Variants in BCL11B observed in about 807,000 individuals in gnomAD.
The protein encoded by BCL11B is B-cell lymphoma/leukemia 11B.
In BCL11B, 8 loss-of-function variants were observed where a neutral mutation model predicts 49.9. The ratio of observed to expected loss-of-function variants is 0.16; its 90% CI spans 0.09 to 0.29. BCL11B has a LOEUF of 0.29. Among genes scored for constraint, BCL11B ranks in the 10% least tolerant of loss-of-function variants. BCL11B has a pLI of 1.00. For missense variants in BCL11B, 1,006 were observed against 1,351.0 expected (o/e 0.74, Z 4.00); for synonymous variants, 739 against 637.4 (o/e 1.16, Z -2.40).
In BCL11B at chr14:99,262,552, C is replaced by A. The variant is rs1378259523; in HGVS notation, c.59-4713G>T. Among the ~76,000 whole-genome samples, 1 of 152,196 alleles carries A rather than the reference C, an allele frequency of 6.6e-6. No individual in the cohort carries two copies. The highest frequency in any genetic ancestry group is 1.5e-5 in the Non-Finnish European group (1 of 68,042). Reference sequence around the variant, plus strand: ...AAATCGTGTGCCACCAACGTCACAACCGCCATCATGATGTGTACGCATGTT... The same window carrying A: ...AAATCGTGTGCCACCAACGTCACAAACGCCATCATGATGTGTACGCATGTT... On this transcript the variant is annotated intron_variant, in intron 1 of 3. Coordinates refer to ENST00000357195, the MANE Select transcript of BCL11B (RefSeq NM_138576.4). The surrounding 1 kb of genome is among the most constrained non-coding windows in gnomAD (Gnocchi z 4.2).
intron 1 of BCL11B, 63 bp downstream of exon 1, chr14:99,271,097 TC>T: frequency 6.9e-7 from 1 of 1,445,110 alleles, no homozygotes. Flanking sequence ...GGGCTCGGTG[TC>T]CCCAGCCCCA....
rs1467782938 is a variant in BCL11B at position 99,173,764 on chromosome 14, C to G, written c.*387G>C. On this transcript the variant is annotated 3_prime_UTR_variant, in exon 4 of 4. Transcript: ENST00000357195. ...ATAATTTAAAAGATATGCTTCCCCT[C>G]TAACATTGCTTGCGAGTCATTGCTC... is the stretch of plus-strand genomic sequence containing the variant. 3 of 260,142 alleles carry G rather than the reference C, an allele frequency of 1.2e-5. No homozygotes were observed. Among genetic ancestry groups the G allele is most frequent in the East Asian group, 1.2e-4 (2 of 16,912 alleles). The allele number at this position is 260,142 out of a possible 1,614,324, so 16.1% of individuals were successfully genotyped here. A position where few individuals can be genotyped will look rare whatever the true frequency, so the allele number is the denominator to read the frequency against.
intron 3 of BCL11B, among the ~76,000 whole-genome samples, chr14:99,193,441 C>T (rs1887093591): frequency 6.6e-6 from 1 of 151,908 alleles, no homozygotes. Context: ...GAACAGATGC[C>T]AAGGGCAGAA....
Position 99,192,957 on chromosome 14 carries a change from GTGAA to G in BCL11B, c.641-16766_641-16763del, listed in dbSNP as rs71464611. On this transcript the variant is annotated intron_variant, in intron 3 of 3. Transcript: ENST00000357195. The surrounding 1 kb of genome is among the most constrained non-coding windows in gnomAD (Gnocchi z 4.0). ...AGTAAATTAGTGAATAAGTGAATAA[GTGAA>G]TGAATGAATGAGTGAATAAGTGAGT... is the stretch of plus-strand genomic sequence containing the variant. 4.1e-5 allele frequency among the ~76,000 whole-genome samples: 6 copies of G among 145,052 alleles called. No individual in the cohort carries two copies. Among genetic ancestry groups the G allele is most frequent in the East Asian group, 2.1e-4 (1 of 4,782 alleles).
In BCL11B at chr14:99,170,973, A is replaced by G; in HGVS notation, c.*3178T>C. 1 of 232,580 alleles carries G rather than the reference A, an allele frequency of 4.3e-6. No homozygotes were observed. The highest frequency in any genetic ancestry group is 8.5e-6 in the Non-Finnish European group (1 of 117,608). The allele number at this position is 232,580 out of a possible 1,614,324, so 14.4% of individuals were successfully genotyped here. A position where few individuals can be genotyped will look rare whatever the true frequency, so the allele number is the denominator to read the frequency against. On this transcript the variant is annotated 3_prime_UTR_variant, in exon 4 of 4. Coordinates refer to ENST00000357195, the MANE Select transcript of BCL11B (RefSeq NM_138576.4). Reference sequence around the variant, plus strand: ...AGGTGGTGGTGGTGACCGCCACAGGAGTGATGGTAGAGAAGGAAGATGTTC... The same window carrying G: ...AGGTGGTGGTGGTGACCGCCACAGGGGTGATGGTAGAGAAGGAAGATGTTC...
Position 99,174,684 on chromosome 14 carries a change from A to T in BCL11B, c.2152T>A (p.Ser718Thr). The T allele has an allele frequency of 1.3e-6, 2 of 1,576,342 alleles. No individual in the cohort carries two copies. Among genetic ancestry groups the T allele is most frequent in the Non-Finnish European group, 1.7e-6 (2 of 1,163,990 alleles). ...AAGGGGTCCTTCATGAAGTGCCGCG[A>T]CGCCGCGTAGCCCACCAGCCACTGC... Reference protein sequence around the residue: ...YSQWLVGYAASRHFMKDPFLG... With the variant: ...YSQWLVGYAATRHFMKDPFLG... The change falls in exon 4 of 4, where the codon TCG becomes ACG. Residue 718 changes from serine (S) to threonine (T), a missense_variant. By Grantham distance (58) the Ser-to-Thr change is moderately conservative. Around this residue, in one of 6 missense-constraint regions of BCL11B, gnomAD observed 443 missense variants for 499.7 expected, o/e 0.89. Coordinates refer to ENST00000357195, the MANE Select transcript of BCL11B (RefSeq NM_138576.4).
At chr14:99,244,134 G>GC (rs1004977967) in intron 2 of BCL11B, among the ~76,000 whole-genome samples, 23 of 152,084 alleles carry the variant, frequency 1.5e-4, no homozygotes, top group Non-Finnish European at 2.8e-4. Flanking sequence ...CCAAGCCTTA[G>GC]CCCAAACATA....
chr14:99,199,309 C>A (rs1237789571), intron 3 of BCL11B, among the ~76,000 whole-genome samples: 1 of 152,130 alleles, frequency 6.6e-6, no homozygotes, highest in Non-Finnish European at 1.5e-5. Flanking sequence ...CACTGAATTA[C>A]AGGTTAAATA....
At position 99,271,361 on chromosome 14, in the gene BCL11B, T is replaced by C; in HGVS notation, c.-143A>G. 1 of 432,538 alleles carries C rather than the reference T, an allele frequency of 2.3e-6. No homozygotes were observed. Among genetic ancestry groups the C allele is most frequent in the Non-Finnish European group, 3.6e-6 (1 of 277,218 alleles). 26.8% of individuals were successfully genotyped at this position (432,538 alleles called of 1,614,324 possible). ...GCACCTCCTCCTCTGCCCGGGTTGG[T>C]GTTTTTTTTCCCTTCCTCTCTTTCC... On this transcript the variant is annotated 5_prime_UTR_variant, in exon 1 of 4. Coordinates refer to ENST00000357195, the MANE Select transcript of BCL11B (RefSeq NM_138576.4).
intron 1 of BCL11B, among the ~76,000 whole-genome samples, chr14:99,267,700 A>T (rs2139976430): frequency 6.6e-6 from 1 of 152,344 alleles, no homozygotes; most frequent in Non-Finnish European, 1.5e-5. Flanking sequence ...CAAAACACAC[A>T]GCTACAGCAA....
At chr14:99,237,751 A>T (rs1221659299) in intron 2 of BCL11B, among the ~76,000 whole-genome samples, 1 of 152,220 alleles carries the variant, frequency 6.6e-6, no homozygotes, top group Non-Finnish European at 1.5e-5. Flanking sequence ...CACGGGAGAC[A>T]TAAAAACAGT....
rs972308563 is a variant in BCL11B at position 99,173,042 on chromosome 14, G to A, written c.*1109C>T. On this transcript the variant is annotated 3_prime_UTR_variant, in exon 4 of 4. Transcript: ENST00000357195. ...TTCGTCTGCTTGGGAAATGATGGAT[G>A]ACCCCTTGTAGCAACATAGGATTTG... 2 of 211,086 alleles carry A rather than the reference G, an allele frequency of 9.5e-6. No individual in the cohort carries two copies. Among genetic ancestry groups the A allele is most frequent in the African/African-American group, 4.6e-5 (2 of 43,844 alleles). 13.1% of individuals were successfully genotyped at this position (211,086 alleles called of 1,614,324 possible).
Position 99,271,369 on chromosome 14 carries a change from T to C in BCL11B, c.-151A>G. The C allele has an allele frequency of 2.7e-6, 1 of 373,058 alleles. No individual in the cohort carries two copies. Among genetic ancestry groups the C allele is most frequent in the East Asian group, 4.2e-5 (1 of 23,936 alleles). The allele number at this position is 373,058 out of a possible 1,614,324, so 23.1% of individuals were successfully genotyped here. Reference sequence around the variant, plus strand: ...TCCTCTGCCCGGGTTGGTGTTTTTTTTCCCTTCCTCTCTTTCCCTCTCTTC... The same window carrying C: ...TCCTCTGCCCGGGTTGGTGTTTTTTCTCCCTTCCTCTCTTTCCCTCTCTTC... On this transcript the variant is annotated 5_prime_UTR_variant, in exon 1 of 4. Transcript: ENST00000357195.
Position 99,174,844 on chromosome 14 carries a change from G to A in BCL11B, c.1992C>T (p.Pro664=). 2 of 1,299,610 alleles carry A rather than the reference G, an allele frequency of 1.5e-6. No individual in the cohort carries two copies. Among genetic ancestry groups the A allele is most frequent in the Non-Finnish European group, 2.0e-6 (2 of 1,024,548 alleles). The allele number at this position is 1,299,610 out of a possible 1,614,324, so 80.5% of individuals were successfully genotyped here. Residue 664 remains proline (P), a synonymous_variant, in exon 4 of 4, where the codon CCC becomes CCT. Transcript: ENST00000357195. ...RGGGFAPGTE[P]FPGLFPRKPA... ...GCTTGCGCGGGAAGAGCCCGGGGAAGGGCTCGGTGCCTGGCGCGAAGCCGC... is the reference window on the plus strand; with the variant it reads ...GCTTGCGCGGGAAGAGCCCGGGGAAAGGCTCGGTGCCTGGCGCGAAGCCGC...
Position 99,170,702 on chromosome 14 carries a change from T to A in BCL11B, c.*3449A>T, listed in dbSNP as rs1445457035. On this transcript the variant is annotated 3_prime_UTR_variant, in exon 4 of 4. Transcript: ENST00000357195. ...ATTCGGAAACTGACGGAATGTAGGTTTCAGAGAGCAAAGCAGCAAAGCAGG... is the reference window on the plus strand; with the variant it reads ...ATTCGGAAACTGACGGAATGTAGGTATCAGAGAGCAAAGCAGCAAAGCAGG... 2 of 233,140 alleles carry A rather than the reference T, an allele frequency of 8.6e-6. No homozygotes were observed. Among genetic ancestry groups the A allele is most frequent in the African/African-American group, 4.4e-5 (2 of 45,268 alleles). 14.4% of individuals were successfully genotyped at this position (233,140 alleles called of 1,614,324 possible).
At position 99,175,131 on chromosome 14, in the gene BCL11B, C is replaced by G. The variant is rs1886452246; in HGVS notation, c.1705G>C (p.Gly569Arg). Reference sequence around the variant, plus strand: ...GGGACCCCGGGCACCCCACCACCGCCGTTCTCGCGGTTGCGGCTCAGCTCC... The same window carrying G: ...GGGACCCCGGGCACCCCACCACCGCGGTTCTCGCGGTTGCGGCTCAGCTCC... ...DSELSRNREN[G>R]GGGVPGVPGA... The change falls in exon 4 of 4, where the codon GGC becomes CGC. Residue 569 changes from glycine (G) to arginine (R), a missense_variant. This residue lies in a region of BCL11B where 443 missense variants were observed against 499.7 expected (regional missense o/e 0.89). Coordinates refer to ENST00000357195, the MANE Select transcript of BCL11B (RefSeq NM_138576.4). 1.3e-6 allele frequency: 2 copies of G among 1,596,572 alleles called. No homozygotes were observed. Among genetic ancestry groups the G allele is most frequent in the Non-Finnish European group, 1.7e-6 (2 of 1,174,524 alleles).
At chr14:99,208,308 C>T (rs1044713010) in intron 3 of BCL11B, among the ~76,000 whole-genome samples, 18 of 152,176 alleles carry the variant, frequency 1.2e-4, no homozygotes, top group Non-Finnish European at 2.6e-4. Context: ...TGGGCCACAG[C>T]CACAGGGCCT....
intron 3 of BCL11B, among the ~76,000 whole-genome samples, chr14:99,221,002 C>T (rs1887991977): frequency 1.3e-5 from 2 of 152,054 alleles, no homozygotes; most frequent in South Asian, 4.2e-4. Flanking sequence ...AGGCGCCCGC[C>T]ACCACGCCCA....
chr14:99,173,625 A>G lies in BCL11B; in HGVS notation c.*526T>C, dbSNP rs1886365558. ...TTTTATTTCAGGACAAAAAAAAGGA[A>G]GGAATGAAAAAGTAAACAACTTTAA... On this transcript the variant is annotated 3_prime_UTR_variant, in exon 4 of 4. Coordinates refer to ENST00000357195, the MANE Select transcript of BCL11B (RefSeq NM_138576.4). 4.8e-6 allele frequency: 1 copy of G among 209,792 alleles called. No homozygotes were observed. Among genetic ancestry groups the G allele is most frequent in the African/African-American group, 2.3e-5 (1 of 44,148 alleles). 13.0% of individuals were successfully genotyped at this position (209,792 alleles called of 1,614,324 possible).
Sources: gnomAD v4.1 joint callset for allele counts (sites outside exome capture counted in the v4.1 genomes callset) on GRCh38, gnomAD v4.1.1 for gene constraint, gnomAD v4.1.1 regional missense constraint, Gnocchi (gnomAD v3.1) non-coding constraint, MANE v1.5 for transcripts, NCBI Gene and HGNC (gene_info 2026-07-23, HGNC 2026-07-21) for gene names.